Variants in TLN2 observed in about 807,000 individuals in gnomAD.
TLN2 encodes talin 2, also known as talin-2.
TLN2 carries 118 observed loss-of-function variants against 294.7 expected under a neutral mutation model. The ratio of observed to expected loss-of-function variants is 0.40; its 90% CI spans 0.34 to 0.47. TLN2 has a LOEUF of 0.47. Ranked by LOEUF, TLN2 falls within the 20% of genes least tolerant of loss-of-function variation. TLN2 has a pLI of 0.84. For missense variants in TLN2, 3,083 were observed against 3,282.2 expected, an observed-to-expected ratio of 0.94 and a Z score of 1.48; for synonymous variants, 1,431 against 1,304.5, an observed-to-expected ratio of 1.10 and a Z score of -2.09.
intron 54 of TLN2, among the ~76,000 whole-genome samples, chr15:62,825,836 A>ATTATATATTATAATATATATAAT (rs1555522053): frequency 1.3e-5 from 1 of 77,064 alleles, no homozygotes; most frequent in African/African-American, 8.2e-5. Flanking sequence ...TATAATATAT[A>ATTATATATTATAATATATATAAT]ATATATATAA....
intron 11 of TLN2, among the ~76,000 whole-genome samples, chr15:62,677,503 T>C (rs1200339202): frequency 2.6e-5 from 4 of 152,124 alleles, no homozygotes; most frequent in Non-Finnish European, 4.4e-5. Context: ...AAAAATAAAT[T>C]TGTTCTTCAG....
intron 55 of TLN2, 135 bp downstream of exon 55, chr15:62,833,764 T>G: frequency 7.8e-7 from 1 of 1,286,356 alleles, no homozygotes; most frequent in Non-Finnish European, 1.0e-6. Context: ...TGCCACTCTC[T>G]GTGCTGACCG....
intron 9 of TLN2, among the ~76,000 whole-genome samples, chr15:62,661,996 A>G (rs972676838): frequency 6.6e-6 from 1 of 152,188 alleles, no homozygotes; most frequent in African/African-American, 2.4e-5. Flanking sequence ...AAAATTTCAG[A>G]TATGCAGTTT....
intron 32 of TLN2, among the ~76,000 whole-genome samples, chr15:62,742,545 G>T (rs77047323): frequency 0.02 from 3,057 of 152,194 alleles, 74 homozygotes; most frequent in African/African-American, 0.053. Flanking sequence ...AAACAGAGCC[G>T]GAAAGAATAT....
At chr15:62,606,892 G>A (rs922847145) in intron 2 of TLN2, among the ~76,000 whole-genome samples, 9 of 152,148 alleles carry the variant, frequency 5.9e-5, no homozygotes, top group African/African-American at 1.4e-4. Flanking sequence ...GATGCTCAGC[G>A]CAGGCTTGGC....
intron 3 of TLN2, among the ~76,000 whole-genome samples, chr15:62,643,395 T>A (rs2051380151): frequency 7.0e-6 from 1 of 143,648 alleles, no homozygotes; most frequent in Non-Finnish European, 1.5e-5. Flanking sequence ...ATGATTAGTT[T>A]GGTTCCAGGA....
intron 1 of TLN2, among the ~76,000 whole-genome samples, chr15:62,480,098 T>A (rs959194108): frequency 1.3e-5 from 2 of 152,178 alleles, no homozygotes; most frequent in African/African-American, 4.8e-5. Context: ...AAGACCTCTC[T>A]GGGGTCTTCA....
At chr15:62,779,769 G>A (rs1471058744) in intron 43 of TLN2, among the ~76,000 whole-genome samples, 2 of 152,244 alleles carry the variant, frequency 1.3e-5, no homozygotes, top group Admixed American at 6.5e-5. Flanking sequence ...CCGTGATGGG[G>A]ATATAGCATC....
At chr15:62,497,865 C>T (rs2039090472) in intron 1 of TLN2, among the ~76,000 whole-genome samples, 1 of 151,978 alleles carries the variant, frequency 6.6e-6, no homozygotes, top group African/African-American at 2.4e-5. Context: ...ATTCTGGCTT[C>T]CCCGTGCTGC....
intron 43 of TLN2, among the ~76,000 whole-genome samples, chr15:62,780,049 C>T (rs2064021051): frequency 6.6e-6 from 1 of 152,212 alleles, no homozygotes; most frequent in Admixed American, 6.5e-5. Context: ...TCAAATACGT[C>T]ATTGCTTACC....
chr15:62,486,448 C>CTTT (rs1555415721), intron 1 of TLN2, among the ~76,000 whole-genome samples: 1 of 106,694 alleles, frequency 9.4e-6, no homozygotes, highest in African/African-American at 3.6e-5. Context: ...GGAACAGTTC[C>CTTT]TTTGTTTTTT....
chr15:62,530,279 T>C (rs2040972965), intron 1 of TLN2, among the ~76,000 whole-genome samples: 1 of 152,264 alleles, frequency 6.6e-6, no homozygotes, highest in African/African-American at 2.4e-5. Flanking sequence ...GAGAAATTCC[T>C]AAAAGTAGAA....
intron 1 of TLN2, among the ~76,000 whole-genome samples, chr15:62,576,595 A>AT (rs3055751): frequency 0.022 from 2,233 of 102,984 alleles, 63 homozygotes; most frequent in African/African-American, 0.059. Context: ...ATTGCTCTGT[A>AT]TTTTTTTTTT....
chr15:62,463,465 G>A (rs2036929502), intron 1 of TLN2, among the ~76,000 whole-genome samples: 2 of 152,116 alleles, frequency 1.3e-5, no homozygotes, highest in Non-Finnish European at 2.9e-5. Context: ...CACCAAGAAG[G>A]TACCTTGTTT....
At chr15:62,582,447 G>A (rs1022277178) in intron 1 of TLN2, among the ~76,000 whole-genome samples, 13 of 152,154 alleles carry the variant, frequency 8.5e-5, no homozygotes, top group African/African-American at 2.7e-4. Context: ...AGTCTGTGGC[G>A]AAATACAGAC....
intron 1 of TLN2, among the ~76,000 whole-genome samples, chr15:62,402,770 C>T (rs1017960077): frequency 1.3e-5 from 2 of 152,212 alleles, no homozygotes; most frequent in Admixed American, 6.5e-5. Flanking sequence ...TTAGAAGCTA[C>T]TTTCATCATC....
chr15:62,431,112 C>T (rs114847114), intron 1 of TLN2, among the ~76,000 whole-genome samples: 4 of 152,166 alleles, frequency 2.6e-5, no homozygotes, highest in South Asian at 2.1e-4. Context: ...TGAGGGGAAA[C>T]GACTTTTAAC....
Position 62,766,626 on chromosome 15 carries a change from C to T in TLN2, c.5196+204C>T, listed in dbSNP as rs112299315. Among the ~76,000 whole-genome samples the T allele has an allele frequency of 9.3e-3, 1,414 of 152,258 alleles. 11 individuals are homozygous for T. Among genetic ancestry groups the T allele is most frequent in the Middle Eastern group, 0.024 (7 of 294 alleles). On this transcript the variant is annotated intron_variant, in intron 41 of 58. Coordinates refer to ENST00000636159, the MANE Select transcript of TLN2 (RefSeq NM_015059.3). ...TTATCAGTTCAGGATCTATTTTTAC[C>T]TAAGTTCAGAAGAAAACTTCAGTGC...
intron 2 of TLN2, among the ~76,000 whole-genome samples, chr15:62,598,282 C>T (rs1409355529): frequency 2.6e-5 from 4 of 152,124 alleles, no homozygotes; most frequent in South Asian, 4.1e-4. Context: ...GCGTGGTGGT[C>T]GGCTGTGTTT....
Sources: gnomAD v4.1 joint callset for allele counts (sites outside exome capture counted in the v4.1 genomes callset) on GRCh38, gnomAD v4.1.1 for gene constraint, MANE v1.5 for transcripts, NCBI Gene and HGNC (gene_info 2026-07-23, HGNC 2026-07-21) for gene names.